The following SYT16 variants were observed in gnomAD, a reference collection of about 807,000 sequenced individuals.
SYT16 encodes the protein synaptotagmin 16.
SYT16 carries 42 observed loss-of-function variants against 61.4 expected under a neutral mutation model. That is an observed-to-expected ratio of 0.68 (90% CI 0.53 to 0.89). The LOEUF (loss-of-function observed/expected upper bound fraction) is 0.89. SYT16 is among the 40% of genes least tolerant of loss of function. The pLI is 0.00. For synonymous variants in SYT16, 314 were observed against 302.3 expected (o/e 1.04, Z -0.40); for missense variants, 804 against 807.3 (o/e 1.00, Z 0.05).
chr14:61,847,957 C>A (rs568792960), intron 1 of SYT16, among the ~76,000 whole-genome samples: 3 of 152,276 alleles, frequency 2.0e-5, no homozygotes, highest in African/African-American at 7.2e-5. Context: ...ATTCTGAATT[C>A]TTCGTGTTAT....
At chr14:62,092,195 CA>C (rs1168353630) in intron 7 of SYT16, among the ~76,000 whole-genome samples, 31 of 97,798 alleles carry the variant, frequency 3.2e-4, no homozygotes, top group Admixed American at 2.6e-3. Flanking sequence ...CACACACACA[CA>C]CACACACACA....
At chr14:61,855,016 A>C (rs1033914676) in intron 1 of SYT16, among the ~76,000 whole-genome samples, 1 of 152,118 alleles carries the variant, frequency 6.6e-6, no homozygotes, top group Non-Finnish European at 1.5e-5. Flanking sequence ...TTGTATAGGA[A>C]ATGGGGAAGC....
chr14:62,078,647 C>T (rs1318799433), intron 5 of SYT16, among the ~76,000 whole-genome samples: 1 of 152,134 alleles, frequency 6.6e-6, no homozygotes, highest in Non-Finnish European at 1.5e-5. Context: ...GAATTGGCCA[C>T]CACTCAGTAT....
intron 1 of SYT16, among the ~76,000 whole-genome samples, chr14:61,968,909 G>A (rs2051428372): frequency 6.6e-6 from 1 of 152,080 alleles, no homozygotes; most frequent in Admixed American, 6.6e-5. Flanking sequence ...AGGCACTGTT[G>A]CTATTTTGCA....
At chr14:62,095,147 CAGAA>C (rs1013349693) in intron 7 of SYT16, among the ~76,000 whole-genome samples, 16 of 151,946 alleles carry the variant, frequency 1.1e-4, no homozygotes, top group African/African-American at 3.4e-4. Context: ...TAATGTGGCA[CAGAA>C]AGAAACTTGC....
rs568784919 is a variant in SYT16, at chr14:61,941,137, T to C, written c.-324-28995T>C. 3.0e-4 allele frequency among the ~76,000 whole-genome samples: 46 copies of C among 152,322 alleles called. No homozygotes were observed. In the South Asian group the frequency reaches 3.1e-3, roughly 10 times the overall value. On this transcript the variant is annotated intron_variant, in intron 1 of 7. Transcript: ENST00000683842. ...ATAGACAAACACATGCCTATCAGTG[T>C]TGAAGGTGAGGTTCTCTGGCTCAGT...
intron 1 of SYT16, among the ~76,000 whole-genome samples, chr14:61,851,380 G>T (rs4031416): frequency 0.16 from 24,611 of 152,096 alleles, 2,239 homozygotes; most frequent in African/African-American, 0.25. Context: ...TACGTATGCA[G>T]GTATCTTTAT....
At chr14:61,849,938 AT>A (rs1351829382) in intron 1 of SYT16, among the ~76,000 whole-genome samples, 11 of 151,602 alleles carry the variant, frequency 7.3e-5, no homozygotes. Context: ...ATGATGATTT[AT>A]TTTTCTCTTG....
intron 3 of SYT16, among the ~76,000 whole-genome samples, chr14:62,047,924 G>A (rs776696903): frequency 3.3e-5 from 5 of 152,154 alleles, no homozygotes; most frequent in African/African-American, 4.8e-5. Context: ...AAGGATATTC[G>A]TCTAAAATTC....
chr14:61,895,254 T>G (rs1188345164), intron 1 of SYT16, among the ~76,000 whole-genome samples: 1 of 152,196 alleles, frequency 6.6e-6, no homozygotes, highest in Non-Finnish European at 1.5e-5. Flanking sequence ...TTAGTTAAAT[T>G]TTTTTTAAAA....
intron 1 of SYT16, among the ~76,000 whole-genome samples, chr14:61,944,098 CAGAG>C (rs747529100): frequency 1.5e-4 from 23 of 152,236 alleles, no homozygotes; most frequent in Non-Finnish European, 2.5e-4. Flanking sequence ...AATAGACAAA[CAGAG>C]AGCCAAATCA....
intron 3 of SYT16, among the ~76,000 whole-genome samples, chr14:62,002,287 G>A (rs753927154): frequency 2.0e-5 from 3 of 152,050 alleles, no homozygotes; most frequent in Admixed American, 2.0e-4. Context: ...TGTTGTTATC[G>A]TTCATCTCAG....
intron 1 of SYT16, among the ~76,000 whole-genome samples, chr14:61,878,983 G>A (rs559153859): frequency 6.6e-6 from 1 of 152,268 alleles, no homozygotes; most frequent in East Asian, 1.9e-4. Flanking sequence ...TAATGAGAGT[G>A]TTGGCTCTAA....
intron 1 of SYT16, among the ~76,000 whole-genome samples, chr14:61,906,751 TTCCGTCCGTCCGTCAA>T (rs1566669476): frequency 8.8e-6 from 1 of 113,228 alleles, no homozygotes. Context: ...CCATCCATCC[TTCCGTCCGTCCGTCAA>T]TCCATCCATC....
intron 1 of SYT16, among the ~76,000 whole-genome samples, chr14:61,939,404 A>G (rs2140445676): frequency 6.6e-6 from 1 of 152,296 alleles, no homozygotes; most frequent in East Asian, 1.9e-4. Context: ...TGCTTTCACA[A>G]ATGCCACCAA....
chr14:61,814,939 G>T (rs1329078415), intron 1 of SYT16, among the ~76,000 whole-genome samples: 1 of 152,034 alleles, frequency 6.6e-6, no homozygotes, highest in African/African-American at 2.4e-5. Context: ...TAGAGCCCAG[G>T]GCTTCTCCCA....
chr14:62,031,536 G>T (rs1181885982), intron 3 of SYT16, among the ~76,000 whole-genome samples: 1 of 152,096 alleles, frequency 6.6e-6, no homozygotes, highest in Non-Finnish European at 1.5e-5. Context: ...TGTGAGCCTG[G>T]AAGTGAGAAG....
chr14:62,089,999 A>G (rs895070204), intron 7 of SYT16, among the ~76,000 whole-genome samples: 4 of 152,174 alleles, frequency 2.6e-5, no homozygotes, highest in African/African-American at 2.4e-5. Context: ...CTGCTATCCA[A>G]CTGCTTCATG....
At chr14:61,887,751 T>A (rs1384791201) in intron 1 of SYT16, among the ~76,000 whole-genome samples, 1 of 152,236 alleles carries the variant, frequency 6.6e-6, no homozygotes, top group Non-Finnish European at 1.5e-5. Flanking sequence ...TTCATAGAAT[T>A]GAAGAGAGTT....
Sources: allele counts gnomAD v4.1 joint callset (sites outside exome capture counted in the v4.1 genomes callset), GRCh38; gene constraint gnomAD v4.1.1; transcripts MANE v1.5; gene names NCBI Gene and HGNC (gene_info 2026-07-23, HGNC 2026-07-21).